ALLC: variants seen among roughly 807,000 people sequenced by gnomAD.
The protein encoded by ALLC is allantoicase.
ALLC carries 40 observed loss-of-function variants against 45.0 expected under a neutral mutation model. The observed-to-expected ratio is 0.89, with a 90% CI of 0.69 to 1.16. ALLC has a LOEUF of 1.16. Among genes scored for constraint, ALLC ranks in the 50% most tolerant of loss-of-function variants. The pLI, the probability that ALLC is intolerant of heterozygous loss-of-function variation, is 0.00. For synonymous variants in ALLC, 176 were observed against 178.1 expected, an observed-to-expected ratio of 0.99 and a Z score of 0.09; for missense variants, 488 against 493.1, an observed-to-expected ratio of 0.99 and a Z score of 0.10.
At chr2:3,682,858 C>CTCT in intron 6 of ALLC, 84 bp from the exon 7 acceptor site, 1 of 1,425,166 alleles carries the variant, frequency 7.0e-7, no homozygotes, top group Non-Finnish European at 9.7e-7. Flanking sequence ...AGTATCTCCA[C>CTCT]ACCTTAAGTG....
rs374055311 is a variant in ALLC at position 3,683,007 on chromosome 2, C to G, written c.444C>G (p.Ser148=). The G allele has an allele frequency of 6.2e-7, 1 of 1,613,822 alleles. No individual in the cohort carries two copies. Among genetic ancestry groups the G allele is most frequent in the African/African-American group, 1.3e-5 (1 of 74,918 alleles). ...MTELKPGNPA[S]GHNYFLVNSQ... is the part of the protein sequence containing the mutation. The stretch of plus-strand genomic sequence containing the variant: ...AGCTTAAGCCAGGAAACCCTGCTTC[C>G]GGCCACAACTATTTTCTTGTCAATT... The change falls in exon 7 of 12, where the codon TCC becomes TCG. Residue 148 remains serine, a synonymous_variant. Coordinates refer to ENST00000252505, the MANE Select transcript of ALLC (RefSeq NM_018436.4).
chr2:3,690,664 C>A (rs1356822829), intron 7 of ALLC, among the ~76,000 whole-genome samples: 1 of 148,248 alleles, frequency 6.7e-6, no homozygotes, highest in Non-Finnish European at 1.5e-5. Context: ...TAGAAATAAA[C>A]AAAGAAAAAC....
At chr2:3,682,876 G>T in intron 6 of ALLC, 66 bp from the exon 7 acceptor site, 1 of 1,544,570 alleles carries the variant, frequency 6.5e-7, no homozygotes, top group Non-Finnish European at 8.9e-7. Context: ...GTGCCACAGA[G>T]GCAATAGGAT....
intron 10 of ALLC, among the ~76,000 whole-genome samples, chr2:3,700,597 G>A (rs1219902067): frequency 6.6e-6 from 1 of 152,158 alleles, no homozygotes; most frequent in Non-Finnish European, 1.5e-5. Context: ...TGACTGTAAT[G>A]GAAATGAGGG....
At chr2:3,655,387 G>A (rs1274822373), upstream of ALLC, among the ~76,000 whole-genome samples, 1 of 152,220 alleles carries the variant, frequency 6.6e-6, no homozygotes, top group African/African-American at 2.4e-5. Context: ...TGTGTCCCAG[G>A]AGTGTTGTAT....
chr2:3,688,956 A>G (rs1018085163), intron 7 of ALLC: 2 of 171,888 alleles, frequency 1.2e-5, no homozygotes, highest in African/African-American at 2.4e-5. Flanking sequence ...AATGTGGCCA[A>G]ATTTGTTTAC....
intron 9 of ALLC, among the ~76,000 whole-genome samples, chr2:3,696,983 G>T (rs868281636): frequency 1.3e-5 from 2 of 152,170 alleles, no homozygotes; most frequent in African/African-American, 4.8e-5. Context: ...TCATGTATCA[G>T]TATAGGTTTG....
intron 1 of ALLC, among the ~76,000 whole-genome samples, chr2:3,669,170 C>A (rs1666801041): frequency 6.6e-6 from 1 of 151,258 alleles, no homozygotes; most frequent in African/African-American, 2.4e-5. Flanking sequence ...AACCTCATCT[C>A]TACTAAAAAT....
intron 10 of ALLC, among the ~76,000 whole-genome samples, chr2:3,699,909 A>G (rs1667779593): frequency 6.6e-6 from 1 of 152,086 alleles, no homozygotes; most frequent in Admixed American, 6.6e-5. Flanking sequence ...CTTTGAAAGA[A>G]CCATAGGTTG....
upstream of ALLC, among the ~76,000 whole-genome samples, chr2:3,655,070 C>A (rs529599299): frequency 3.9e-5 from 6 of 152,252 alleles, no homozygotes; most frequent in Non-Finnish European, 8.8e-5. Context: ...GGAACTGCTT[C>A]CTCGTGCACT....
upstream of ALLC, among the ~76,000 whole-genome samples, chr2:3,657,400 A>G (rs1666468167): frequency 6.6e-6 from 1 of 152,176 alleles, no homozygotes; most frequent in African/African-American, 2.4e-5. Context: ...TCTCCCTGGG[A>G]CGCAGGTTGT....
At chr2:3,653,156 G>A in the ALLC span, among the ~76,000 whole-genome samples, 1 of 152,202 alleles carries the variant, frequency 6.6e-6, no homozygotes, top group Non-Finnish European at 1.5e-5. This position sits in a 1 kb window ranked among gnomAD's most constrained non-coding sequence, Gnocchi z 4.1. Flanking sequence ...GGGTGCACAC[G>A]GGGCCCCCCG....
At position 3,699,117 on chromosome 2, in the gene ALLC, T is replaced by C. The variant is rs554279967; in HGVS notation, c.850+1661T>C. On this transcript the variant is annotated intron_variant, in intron 10 of 11. Coordinates refer to ENST00000252505, the MANE Select transcript of ALLC (RefSeq NM_018436.4). ...TCATGGGGTTTTGGTGTACAGATTATTTTATCACGTAGGTATCAAGTATGG... is the reference window on the plus strand; with the variant it reads ...TCATGGGGTTTTGGTGTACAGATTACTTTATCACGTAGGTATCAAGTATGG... 3.9e-5 allele frequency among the ~76,000 whole-genome samples: 6 copies of C among 152,348 alleles called. No individual in the cohort carries two copies. The South Asian group carries it at 1.0e-3, about 26-fold the overall frequency.
chr2:3,671,591 C>A (rs111965223), intron 2 of ALLC, among the ~76,000 whole-genome samples: 1 of 107,446 alleles, frequency 9.3e-6, no homozygotes. Context: ...GGTCCTCTGG[C>A]TCTAGTTAGA....
At position 3,696,424 on chromosome 2, in the gene ALLC, T is replaced by G. The variant is rs796919354; in HGVS notation, c.741+76T>G. The G allele has an allele frequency of 5.4e-6, 7 of 1,295,960 alleles. No homozygotes were observed. The African/African-American group carries it at 1.0e-4, about 19-fold the overall frequency. 80.3% of individuals were successfully genotyped at this position (1,295,960 alleles called of 1,614,324 possible). A position where few individuals can be genotyped will look rare whatever the true frequency, so the allele number is the denominator to read the frequency against. On this transcript the variant is annotated intron_variant, in intron 9 of 11. Coordinates refer to ENST00000252505, the MANE Select transcript of ALLC (RefSeq NM_018436.4). ...TTGGAACTTTTTCTTTTAAATAAAC[T>G]TTTGCACATTTTAGAAACCTCATAT...
intron 1 of ALLC, among the ~76,000 whole-genome samples, chr2:3,658,517 G>A (rs564770544): frequency 6.6e-6 from 1 of 152,262 alleles, no homozygotes; most frequent in East Asian, 1.9e-4. Flanking sequence ...CAGGCTTCTG[G>A]GCTCTGGTCA....
intron 1 of ALLC, among the ~76,000 whole-genome samples, chr2:3,667,243 G>T (rs557779189): frequency 1.4e-4 from 22 of 152,302 alleles, no homozygotes; most frequent in East Asian, 7.7e-4. Flanking sequence ...ACCTCGAGGG[G>T]GCCTCTGTCA....
At chr2:3,678,014 G>A (rs1667070847) in intron 3 of ALLC, among the ~76,000 whole-genome samples, 1 of 152,180 alleles carries the variant, frequency 6.6e-6, no homozygotes, top group South Asian at 2.1e-4. Context: ...TTTCCTCAGG[G>A]GGTTGCAGAG....
At position 3,689,666 on chromosome 2, in the gene ALLC, G is replaced by T. The variant is rs1420542048; in HGVS notation, c.512-6051G>T. ...AGAATGTTCCATGTGCTGATGAAAAGAATGCATATTCTGCAGCAGTTGGGT... is the reference window on the plus strand; with the variant it reads ...AGAATGTTCCATGTGCTGATGAAAATAATGCATATTCTGCAGCAGTTGGGT... On this transcript the variant is annotated intron_variant, in intron 7 of 11. Coordinates refer to ENST00000252505, the MANE Select transcript of ALLC (RefSeq NM_018436.4). Among the ~76,000 whole-genome samples the T allele has an allele frequency of 1.3e-5, 2 of 150,878 alleles. 1 individual carries two copies. The highest frequency in any genetic ancestry group is 3.0e-5 in the Non-Finnish European group (2 of 67,538).
Sources: allele counts gnomAD v4.1 joint callset (sites outside exome capture counted in the v4.1 genomes callset), GRCh38; gene constraint gnomAD v4.1.1; non-coding constraint Gnocchi (gnomAD v3.1); transcripts MANE v1.5; gene names NCBI Gene and HGNC (gene_info 2026-07-23, HGNC 2026-07-21).